Variants in NBEA observed in about 807,000 individuals in gnomAD.
NBEA encodes the protein lysosomal-trafficking regulator 2.
In NBEA, 44 loss-of-function variants were observed where a neutral mutation model predicts 343.4. The observed-to-expected ratio is 0.13, with a 90% CI of 0.10 to 0.16. The LOEUF is 0.16. Among genes scored for constraint, NBEA ranks in the 10% least tolerant of loss-of-function variants. The pLI is 1.00. For missense variants in NBEA, 2,555 were observed against 3,631.3 expected (o/e 0.70, Z 7.62); for synonymous variants, 1,175 against 1,238.7 (o/e 0.95, Z 1.08).
At chr13:35,154,505 A>G (rs2069018177) in intron 18 of NBEA, among the ~76,000 whole-genome samples, 1 of 152,242 alleles carries the variant, frequency 6.6e-6, no homozygotes, top group East Asian at 1.9e-4. Context: ...TGTAAGAGAT[A>G]AACACAAACT....
At position 34,963,545 on chromosome 13, in the gene NBEA, C is replaced by T. The variant is rs9599907; in HGVS notation, c.294+20431C>T. On this transcript the variant is annotated intron_variant, in intron 1 of 58. Transcript: ENST00000379939. Reference sequence around the variant, plus strand: ...CCCATAACAGCTGGTCTTAACTAAGCGAAAATAAGGGTAAAATGAGTGATA... The same window carrying T: ...CCCATAACAGCTGGTCTTAACTAAGTGAAAATAAGGGTAAAATGAGTGATA... 9.7e-3 allele frequency among the ~76,000 whole-genome samples: 1,481 copies of T among 151,910 alleles called. 20 individuals carry two copies. Among genetic ancestry groups the T allele is most frequent in the African/African-American group, 0.034 (1,424 of 41,422 alleles).
intron 38 of NBEA, among the ~76,000 whole-genome samples, chr13:35,377,129 A>G (rs2041788038): frequency 1.3e-5 from 2 of 152,196 alleles, no homozygotes; most frequent in Admixed American, 6.5e-5. Flanking sequence ...AATTTTGACC[A>G]AAATAAAAAA....
intron 10 of NBEA, among the ~76,000 whole-genome samples, chr13:35,092,584 G>A (rs2065142322): frequency 6.6e-6 from 1 of 151,902 alleles, no homozygotes; most frequent in African/African-American, 2.4e-5. Flanking sequence ...GAGAATATAA[G>A]GATGTCAAAA....
chr13:35,210,004 A>G (rs2152751680), intron 32 of NBEA, among the ~76,000 whole-genome samples: 1 of 152,268 alleles, frequency 6.6e-6, no homozygotes, highest in Non-Finnish European at 1.5e-5. Context: ...TTCTAGAAAT[A>G]GGAGTAAAAC....
At chr13:35,284,983 A>G (rs1315516877) in intron 34 of NBEA, among the ~76,000 whole-genome samples, 1 of 152,128 alleles carries the variant, frequency 6.6e-6, no homozygotes, top group Non-Finnish European at 1.5e-5. Context: ...AAGTGTAGAG[A>G]ACAGAATTTT....
At chr13:35,329,139 A>G (rs747549242) in intron 36 of NBEA, among the ~76,000 whole-genome samples, 3 of 151,972 alleles carry the variant, frequency 2.0e-5, no homozygotes, top group Admixed American at 6.6e-5. Flanking sequence ...TCAAACCACA[A>G]TTAGATAACA....
chr13:35,386,134 G>C (rs2042232981), intron 38 of NBEA, among the ~76,000 whole-genome samples: 1 of 152,000 alleles, frequency 6.6e-6, no homozygotes, highest in Non-Finnish European at 1.5e-5. Context: ...TGTCAATTTG[G>C]AAGATTTTTT....
At chr13:35,493,740 C>A (rs752387206) in intron 41 of NBEA, among the ~76,000 whole-genome samples, 66 of 151,976 alleles carry the variant, frequency 4.3e-4, no homozygotes, top group Non-Finnish European at 8.4e-4. Context: ...GTGATGAAGG[C>A]ATTGGAGTAG....
At chr13:35,565,403 T>C (rs1023966194) in intron 44 of NBEA, among the ~76,000 whole-genome samples, 5 of 152,178 alleles carry the variant, frequency 3.3e-5, no homozygotes, top group African/African-American at 9.7e-5. Context: ...TTCACAGTTA[T>C]GTTTTCCAAA....
At chr13:35,566,793 A>G (rs1436732197) in intron 44 of NBEA, 112 bp from the exon 45 acceptor site, 1 of 598,358 alleles carries the variant, frequency 1.7e-6, no homozygotes, top group Non-Finnish European at 3.0e-6. Flanking sequence ...GATACGGTTC[A>G]ATAAATAAAA....
At chr13:35,355,433 T>A (rs1232564320) in intron 38 of NBEA, among the ~76,000 whole-genome samples, 1 of 152,060 alleles carries the variant, frequency 6.6e-6, no homozygotes, top group Non-Finnish European at 1.5e-5. Flanking sequence ...TAATTAAAAT[T>A]TAATTTAATG....
intron 48 of NBEA, among the ~76,000 whole-genome samples, chr13:35,609,223 A>G (rs2082404835): frequency 6.6e-6 from 1 of 152,224 alleles, no homozygotes; most frequent in African/African-American, 2.4e-5. Flanking sequence ...GGAAATGTAT[A>G]TGACATTTTT....
At chr13:35,404,179 G>A (rs1454668625) in intron 38 of NBEA, among the ~76,000 whole-genome samples, 4 of 152,152 alleles carry the variant, frequency 2.6e-5, no homozygotes, top group African/African-American at 9.7e-5. Flanking sequence ...TTCAACCATT[G>A]TGGAAGTCAG....
chr13:35,652,343 A>ATT (rs1566463972), intron 53 of NBEA, among the ~76,000 whole-genome samples: 7 of 145,840 alleles, frequency 4.8e-5, no homozygotes, highest in East Asian at 4.0e-4. Flanking sequence ...TTAAATTTAA[A>ATT]AAAAAAAAAA....
chr13:35,196,290 A>G lies in NBEA; in HGVS notation c.5354A>G (p.His1785Arg). The change falls in exon 31 of 59, where the codon CAT becomes CGT. Residue 1785 changes from histidine to arginine, a missense_variant. His to Arg is a conservative substitution (Grantham distance 29). Around this residue, in one of 21 missense-constraint regions of NBEA, gnomAD observed 270 missense variants for 293.3 expected, o/e 0.92. Transcript: ENST00000379939. ...ETQAILPMQF[H>R]SFDRSVVVPV... is the part of the protein sequence containing the mutation. Reference sequence around the variant, plus strand: ...CAAGCTATTCTTCCTATGCAGTTTCATTCCTTTGACAGGTAGGTACTGAAC... The same window carrying G: ...CAAGCTATTCTTCCTATGCAGTTTCGTTCCTTTGACAGGTAGGTACTGAAC... 8 of 1,612,446 alleles carry G rather than the reference A, an allele frequency of 5.0e-6. No individual in the cohort carries two copies. Among genetic ancestry groups the G allele is most frequent in the Non-Finnish European group, 6.8e-6 (8 of 1,179,038 alleles).
intron 35 of NBEA, among the ~76,000 whole-genome samples, chr13:35,300,058 T>C (rs1162806359): frequency 6.6e-6 from 1 of 152,244 alleles, no homozygotes; most frequent in East Asian, 1.9e-4. Context: ...CTATGCTATG[T>C]ACTTTTCTTG....
intron 41 of NBEA, among the ~76,000 whole-genome samples, chr13:35,540,105 T>A (rs536421955): frequency 6.6e-5 from 10 of 152,012 alleles, no homozygotes; most frequent in Non-Finnish European, 1.2e-4. Context: ...ATCTAAAATT[T>A]TAATATGAAA....
intron 38 of NBEA, among the ~76,000 whole-genome samples, chr13:35,402,300 A>G (rs1304318899): frequency 6.6e-6 from 1 of 152,040 alleles, no homozygotes; most frequent in Non-Finnish European, 1.5e-5. Flanking sequence ...GTTATCTTTA[A>G]ATATCAATTT....
intron 36 of NBEA, among the ~76,000 whole-genome samples, chr13:35,320,613 C>G (rs780261075): frequency 6.6e-5 from 10 of 152,126 alleles, no homozygotes; most frequent in Non-Finnish European, 1.5e-4. Flanking sequence ...GTGATGTTCT[C>G]TGTATTTCCT....
Sources: allele counts gnomAD v4.1 joint callset (sites outside exome capture counted in the v4.1 genomes callset), GRCh38; gene constraint gnomAD v4.1.1; regional missense constraint gnomAD v4.1.1; transcripts MANE v1.5; gene names NCBI Gene and HGNC (gene_info 2026-07-23, HGNC 2026-07-21).